Variants in PARP4 observed in about 807,000 individuals in gnomAD.
PARP4 encodes protein mono-ADP-ribosyltransferase PARP4.
In PARP4, 120 loss-of-function variants were observed where a neutral mutation model predicts 187.7. That is an observed-to-expected ratio of 0.64 (90% CI 0.55 to 0.74). The LOEUF (loss-of-function observed/expected upper bound fraction) is 0.74. PARP4 is among the 30% of genes least tolerant of loss of function. The pLI, the probability that PARP4 is intolerant of heterozygous loss-of-function variation, is 0.00. For synonymous variants in PARP4, 654 were observed against 740.9 expected, an observed-to-expected ratio of 0.88 and a Z score of 1.90; for missense variants, 1,836 against 2,070.5, an observed-to-expected ratio of 0.89 and a Z score of 2.20.
intron 4 of PARP4, among the ~76,000 whole-genome samples, chr13:24,499,881 T>C (rs1206816169): frequency 2.6e-5 from 4 of 152,320 alleles, no homozygotes; most frequent in African/African-American, 9.6e-5. Context: ...ATTAACCCGA[T>C]GTTTTGGGTA....
intron 20 of PARP4, among the ~76,000 whole-genome samples, chr13:24,458,676 G>A (rs1337198238): frequency 1.3e-5 from 2 of 152,154 alleles, no homozygotes; most frequent in African/African-American, 4.8e-5. Context: ...TGACTATTGT[G>A]AAACAGGTCT....
chr13:24,439,187 C>G (rs767002982), intron 30 of PARP4, among the ~76,000 whole-genome samples: 4 of 151,928 alleles, frequency 2.6e-5, no homozygotes, highest in Admixed American at 6.6e-5. Flanking sequence ...ACAGGCCAGG[C>G]ATGGTGGCTC....
At chr13:24,510,280 C>A (rs571028585) in intron 1 of PARP4, among the ~76,000 whole-genome samples, 3 of 152,198 alleles carry the variant, frequency 2.0e-5, no homozygotes, top group South Asian at 4.1e-4. Flanking sequence ...ATTGGCCGGG[C>A]GCGGTGGCTC....
At chr13:24,440,418 TTA>T (rs1491348906) in intron 30 of PARP4, among the ~76,000 whole-genome samples, 10 of 31,470 alleles carry the variant, frequency 3.2e-4, no homozygotes, top group Non-Finnish European at 6.1e-4. Flanking sequence ...AAAATTAAAA[TTA>T]AAAAAAAAAA....
chr13:24,455,958 T>C (rs1297007419), intron 21 of PARP4, among the ~76,000 whole-genome samples: 1 of 152,118 alleles, frequency 6.6e-6, no homozygotes, highest in Non-Finnish European at 1.5e-5. Flanking sequence ...AAGAAGAGAC[T>C]CTTTGTCACA....
chr13:24,470,067 G>A, intron 15 of PARP4, 42 bp from the exon 16 acceptor site: 19 of 1,556,508 alleles, frequency 1.2e-5, no homozygotes, highest in Non-Finnish European at 1.7e-5. Context: ...GAGACCACAT[G>A]GACTACATTT....
rs185158032 is a variant in PARP4, at chr13:24,497,460, T to A, written c.591+656A>T. On this transcript the variant is annotated intron_variant, in intron 6 of 33. Transcript: ENST00000381989. ...GGAATGCTTTCAGAGGTGTAAATAT[T>A]AGGAAAATATCCCAAAAGTGATGTG... is the stretch of plus-strand genomic sequence containing the variant. Among the ~76,000 whole-genome samples, 142 of 152,252 alleles carry A rather than the reference T, an allele frequency of 9.3e-4. 1 individual carries two copies. Among genetic ancestry groups the A allele is most frequent in the African/African-American group, 3.1e-3 (130 of 41,550 alleles).
At chr13:24,444,749 T>C (rs948937286) in intron 27 of PARP4, among the ~76,000 whole-genome samples, 1 of 152,204 alleles carries the variant, frequency 6.6e-6, no homozygotes, top group Non-Finnish European at 1.5e-5. Context: ...ACAGCAGACA[T>C]AGGAGTAGCT....
In PARP4 at chr13:24,442,651, T is replaced by C; in HGVS notation, c.3482A>G (p.Lys1161Arg). Residue 1161 changes from lysine (K) to arginine (R), a missense_variant, in exon 29 of 34, where the codon AAA (lysine) becomes AGA (arginine). Lys to Arg is a conservative substitution (Grantham distance 26). Around this residue, in one of 8 missense-constraint regions of PARP4, gnomAD observed 47 missense variants for 99.5 expected, o/e 0.47. Coordinates refer to ENST00000381989, the MANE Select transcript of PARP4 (RefSeq NM_006437.4). The stretch of plus-strand genomic sequence containing the variant: ...TATGAGAGAGTTTTCTTTACTGAGT[T>C]TAATAATCAGAGATTTCAAGGTTTG... ...KKQTLKSLII[K>R]LSKENSLITQ... The C allele has an allele frequency of 6.3e-7, 1 of 1,598,362 alleles. No homozygotes were observed. The highest frequency in any genetic ancestry group is 8.6e-7 in the Non-Finnish European group (1 of 1,165,724).
intron 23 of PARP4, 65 bp downstream of exon 23, chr13:24,453,522 C>T: frequency 1.0e-6 from 1 of 989,676 alleles, no homozygotes. Context: ...GGCCTAAGCC[C>T]TGGAGGTCCC....
rs1425897389 is a variant in PARP4 at position 24,455,209 on chromosome 13, A to G, written c.2566T>C (p.Cys856Arg). 4 of 1,581,160 alleles carry G rather than the reference A, an allele frequency of 2.5e-6. No individual in the cohort carries two copies. Among genetic ancestry groups the G allele is most frequent in the Non-Finnish European group, 3.5e-6 (4 of 1,154,708 alleles). The change falls in exon 22 of 34, where the codon TGC becomes CGC. Residue 856 changes from cysteine to arginine, a missense_variant. Transcript: ENST00000381989. ...EKHPEKESEA[C>R]MLVFQPDLDV... ...AGATCGGGTTGAAAGACAAGCATGC[A>G]AGCCTGAAAGGAGAAAGAAGGTGCT...
At position 24,479,663 on chromosome 13, in the gene PARP4, C is replaced by T. The variant is rs1198175635; in HGVS notation, c.1449-1387G>A. On this transcript the variant is annotated intron_variant, in intron 12 of 33. Coordinates refer to ENST00000381989, the MANE Select transcript of PARP4 (RefSeq NM_006437.4). ...TTGTGTCTAGCTCAGGGATTGTAAA[C>T]GCACCAATCAGCGCCCTGTCAAAAC... Among the ~76,000 whole-genome samples the T allele has an allele frequency of 5.3e-5, 8 of 152,106 alleles. No individual in the cohort carries two copies. In the South Asian group the frequency reaches 6.2e-4, roughly 12 times the overall value.
intron 2 of PARP4, 61 bp downstream of exon 2, chr13:24,503,584 G>A: frequency 6.4e-7 from 1 of 1,572,752 alleles, no homozygotes; most frequent in African/African-American, 1.3e-5. Context: ...TTCTAACCAT[G>A]ACCCTGTTCC....
In PARP4 at chr13:24,498,175, C is replaced by A; in HGVS notation, c.532G>T (p.Asp178Tyr). ...AVVVELQCSR[D>Y]SRDCPFLISS... ...ATCAGGAAAGGACAGTCCCTGGAGTCCCGCGAACACTGAAGCTCCACCACC... is the reference window on the plus strand; with the variant it reads ...ATCAGGAAAGGACAGTCCCTGGAGTACCGCGAACACTGAAGCTCCACCACC... Residue 178 changes from aspartate to tyrosine, a missense_variant, in exon 6 of 34, where the codon GAC (aspartate) becomes TAC (tyrosine). Physicochemically the swap from Asp to Tyr is radical, Grantham distance 160. Coordinates refer to ENST00000381989, the MANE Select transcript of PARP4 (RefSeq NM_006437.4). The A allele has an allele frequency of 1.9e-6, 3 of 1,613,914 alleles. No homozygotes were observed. The highest frequency in any genetic ancestry group is 3.3e-5 in the Admixed American group (2 of 60,022).
At chr13:24,497,091 G>A (rs1412365261) in intron 6 of PARP4, among the ~76,000 whole-genome samples, 3 of 152,096 alleles carry the variant, frequency 2.0e-5, no homozygotes, top group African/African-American at 7.2e-5. Context: ...CATCCTGGTG[G>A]GTGTTGCAGC....
chr13:24,484,442 G>A (rs763827004), intron 12 of PARP4, among the ~76,000 whole-genome samples: 5 of 152,106 alleles, frequency 3.3e-5, no homozygotes, highest in African/African-American at 1.2e-4. Flanking sequence ...AAAAGAGCTG[G>A]GAGTACAGGC....
At position 24,435,350 on chromosome 13, in the gene PARP4, T is replaced by A; in HGVS notation, c.3791A>T (p.Asp1264Val). The A allele has an allele frequency of 6.2e-7, 1 of 1,612,464 alleles. No homozygotes were observed. The highest frequency in any genetic ancestry group is 2.2e-5 in the East Asian group (1 of 44,876). ...GAAAGCTGGTAGTACACCTAAGCCA[T>A]CCTCTTCAAAATCTTCAGAAACTTC... ...QPEVSEDFEE[D>V]GLGVLPAFTS... The change falls in exon 31 of 34, where the codon GAT becomes GTT. Residue 1264 changes from aspartate to valine, a missense_variant. Coordinates refer to ENST00000381989, the MANE Select transcript of PARP4 (RefSeq NM_006437.4).
chr13:24,500,047 T>A (rs543393524), intron 4 of PARP4, among the ~76,000 whole-genome samples: 13 of 150,818 alleles, frequency 8.6e-5, no homozygotes, highest in African/African-American at 2.9e-4. Flanking sequence ...GGTTTTTTTT[T>A]AAAAGAATTA....
intron 15 of PARP4, among the ~76,000 whole-genome samples, chr13:24,475,026 T>C (rs551084305): frequency 0.018 from 2,621 of 148,474 alleles, 30 homozygotes; most frequent in Non-Finnish European, 0.026. Context: ...AAGCATCCCC[T>C]GACGTCCACA....
Sources: gnomAD v4.1 joint callset for allele counts (sites outside exome capture counted in the v4.1 genomes callset) on GRCh38, gnomAD v4.1.1 for gene constraint, gnomAD v4.1.1 regional missense constraint, MANE v1.5 for transcripts, NCBI Gene and HGNC (gene_info 2026-07-23, HGNC 2026-07-21) for gene names.